The following ZHX2 variants were observed in gnomAD, a reference collection of about 807,000 sequenced individuals.
ZHX2 encodes zinc fingers and homeoboxes 2.
A neutral mutation model predicts 21.9 loss-of-function variants in ZHX2; 6 were observed. The observed-to-expected ratio is 0.27, with a 90% CI of 0.15 to 0.54. The LOEUF (loss-of-function observed/expected upper bound fraction) is 0.54. ZHX2 is among the 20% of genes least tolerant of loss of function. The pLI is 0.95. For missense variants in ZHX2, 908 were observed against 1,090.7 expected (o/e 0.83, Z 2.36); for synonymous variants, 434 against 437.1 (o/e 0.99, Z 0.09).
At chr8:122,857,058 C>T (rs758099771) in intron 1 of ZHX2, among the ~76,000 whole-genome samples, 5 of 152,158 alleles carry the variant, frequency 3.3e-5, no homozygotes, top group African/African-American at 4.8e-5. Context: ...TGCCCTTCGC[C>T]GCTCATTCAG....
At chr8:122,799,865 G>T (rs1200473185) in intron 1 of ZHX2, among the ~76,000 whole-genome samples, 1 of 151,950 alleles carries the variant, frequency 6.6e-6, no homozygotes, top group African/African-American at 2.4e-5. Context: ...TTTTCTTTTT[G>T]CTTTTCTTTT....
At chr8:122,889,077 CTTT>C (rs1819914691) in intron 2 of ZHX2, among the ~76,000 whole-genome samples, 1 of 152,180 alleles carries the variant, frequency 6.6e-6, no homozygotes, top group Non-Finnish European at 1.5e-5. Context: ...AGATTTCATT[CTTT>C]TTCACGACTG....
intron 1 of ZHX2, among the ~76,000 whole-genome samples, chr8:122,797,350 C>T (rs1310230406): frequency 6.6e-6 from 1 of 152,188 alleles, no homozygotes; most frequent in African/African-American, 2.4e-5. Flanking sequence ...TATGTACCCA[C>T]TTTCTAAAGT....
chr8:122,795,046 T>G (rs1273023798), intron 1 of ZHX2, among the ~76,000 whole-genome samples: 1 of 152,230 alleles, frequency 6.6e-6, no homozygotes, highest in African/African-American at 2.4e-5. Context: ...TTTGTCTCCG[T>G]GTTCCCAGCA....
intron 3 of ZHX2, among the ~76,000 whole-genome samples, chr8:122,957,297 A>C (rs1275546584): frequency 3.5e-5 from 1 of 28,506 alleles, no homozygotes; most frequent in Middle Eastern, 0.017. Flanking sequence ...CTGTGTTCAC[A>C]AAAAAAAAAA....
At chr8:122,814,468 G>A (rs1563739361) in intron 1 of ZHX2, among the ~76,000 whole-genome samples, 1 of 152,108 alleles carries the variant, frequency 6.6e-6, no homozygotes, top group Admixed American at 6.5e-5. Flanking sequence ...AGCCTACTTG[G>A]CATAATTGAC....
intron 2 of ZHX2, among the ~76,000 whole-genome samples, chr8:122,923,219 CT>C (rs1188346224): frequency 1.3e-5 from 2 of 152,228 alleles, no homozygotes; most frequent in African/African-American, 2.4e-5. Flanking sequence ...TCTCACAGTT[CT>C]GTGAGTGAGA....
At chr8:122,954,386 T>C (rs12114066) in intron 3 of ZHX2, among the ~76,000 whole-genome samples, 57,455 of 151,958 alleles carry the variant, frequency 0.38, 11,188 homozygotes, top group African/African-American at 0.49. Flanking sequence ...TAGGTCATTG[T>C]AGCCTCAAAC....
intron 2 of ZHX2, among the ~76,000 whole-genome samples, chr8:122,892,166 A>G (rs1465543573): frequency 6.6e-6 from 1 of 152,168 alleles, no homozygotes; most frequent in Non-Finnish European, 1.5e-5. Context: ...TCCATTTATC[A>G]CTATATAATG....
chr8:122,896,119 A>C (rs1820094163), intron 2 of ZHX2, among the ~76,000 whole-genome samples: 1 of 152,138 alleles, frequency 6.6e-6, no homozygotes, highest in Non-Finnish European at 1.5e-5. Flanking sequence ...GGAGGACTAA[A>C]AGAGGCCAAA....
chr8:122,880,654 A>C (rs1309516635), intron 2 of ZHX2, among the ~76,000 whole-genome samples: 1 of 152,036 alleles, frequency 6.6e-6, no homozygotes, highest in Admixed American at 6.6e-5. Context: ...GCACACCTGT[A>C]ATCCCAGCTA....
chr8:122,948,086 G>T (rs2130254246), intron 2 of ZHX2, among the ~76,000 whole-genome samples: 1 of 152,304 alleles, frequency 6.6e-6, no homozygotes, highest in South Asian at 2.1e-4. Context: ...CAGGTTCTGG[G>T]TTCACTAGCC....
intron 1 of ZHX2, among the ~76,000 whole-genome samples, chr8:122,811,447 G>C (rs1446096557): frequency 3.3e-5 from 5 of 152,192 alleles, no homozygotes; most frequent in African/African-American, 7.2e-5. Flanking sequence ...AGAATATGAT[G>C]CAGGTTCACT....
chr8:122,805,641 C>G (rs1817807389), intron 1 of ZHX2, among the ~76,000 whole-genome samples: 1 of 151,680 alleles, frequency 6.6e-6, no homozygotes, highest in African/African-American at 2.4e-5. Flanking sequence ...CAAAATGAAA[C>G]ATAAGAGCTT....
At chr8:122,862,146 C>A (rs1186373697) in intron 1 of ZHX2, among the ~76,000 whole-genome samples, 5 of 152,150 alleles carry the variant, frequency 3.3e-5, no homozygotes, top group Admixed American at 2.0e-4. Context: ...ATACCCGAGG[C>A]CACCACTCAC....
intron 2 of ZHX2, among the ~76,000 whole-genome samples, chr8:122,874,795 T>C (rs766454844): frequency 1.5e-4 from 23 of 152,190 alleles, no homozygotes; most frequent in East Asian, 5.8e-4. Context: ...TTCTAGACAG[T>C]CAGCTGATAG....
intron 2 of ZHX2, among the ~76,000 whole-genome samples, chr8:122,872,757 G>T (rs544392019): frequency 1.3e-5 from 2 of 152,198 alleles, no homozygotes; most frequent in Non-Finnish European, 2.9e-5. Flanking sequence ...AAGGCGGTTC[G>T]TTCGTGTAAT....
intron 1 of ZHX2, among the ~76,000 whole-genome samples, chr8:122,804,453 G>A (rs965538303): frequency 1.3e-5 from 2 of 152,138 alleles, no homozygotes; most frequent in Non-Finnish European, 2.9e-5. Flanking sequence ...TTAAGTGCTT[G>A]GTAAATGCCT....
intron 1 of ZHX2, among the ~76,000 whole-genome samples, chr8:122,792,834 G>A (rs1342683516): frequency 3.3e-5 from 5 of 152,306 alleles, no homozygotes; most frequent in Middle Eastern, 3.4e-3. Flanking sequence ...TCCTACAAGT[G>A]CAGGGTGGCA....
Sources: allele counts gnomAD v4.1 joint callset (sites outside exome capture counted in the v4.1 genomes callset), GRCh38; gene constraint gnomAD v4.1.1; transcripts MANE v1.5; gene names NCBI Gene and HGNC (gene_info 2026-07-23, HGNC 2026-07-21).